The following GRIN2B variants were observed in gnomAD, a reference collection of about 807,000 sequenced individuals.
The protein encoded by GRIN2B is glutamate receptor ionotropic, NMDA 2B.
In GRIN2B, 5 loss-of-function variants were observed where a neutral mutation model predicts 114.5. The ratio of observed to expected loss-of-function variants is 0.04; its 90% confidence interval spans 0.02 to 0.09. The LOEUF is 0.09. Ranked by LOEUF, GRIN2B falls within the 10% of genes least tolerant of loss-of-function variation. GRIN2B has a pLI of 1.00. For missense variants in GRIN2B, 1,108 were observed against 1,943.5 expected (o/e 0.57, Z 8.08); for synonymous variants, 787 against 745.1 (o/e 1.06, Z -0.92).
Position 13,563,133 on chromosome 12 carries a change from C to T in GRIN2B, c.4105G>A (p.Gly1369Ser), listed in dbSNP as rs371190262. The change falls in exon 14 of 14, where the codon GGC becomes AGC. Residue 1369 changes from glycine to serine, a missense_variant. By Grantham distance (56) the Gly-to-Ser change is moderately conservative. Coordinates refer to ENST00000609686, the MANE Select transcript of GRIN2B (RefSeq NM_000834.5). ...AGCGACTTGCTGAGCATGTACCCGC[C>T]GCCGGGGTTGTTGTGGTGGTGATGT... Reference protein sequence around the residue: ...AGHHHHNNPGGGYMLSKSLYP... With the variant: ...AGHHHHNNPGSGYMLSKSLYP... The T allele has an allele frequency of 2.9e-5, 47 of 1,614,026 alleles. No homozygotes were observed. The Admixed American group carries it at 4.5e-4, about 15-fold the overall frequency.
At chr12:13,928,443 A>G (rs1448446060) in intron 2 of GRIN2B, among the ~76,000 whole-genome samples, 1 of 152,236 alleles carries the variant, frequency 6.6e-6, no homozygotes, top group Non-Finnish European at 1.5e-5. Context: ...GAAGATATTT[A>G]AAGGAGATAA....
chr12:13,574,708 A>G (rs1948752545), intron 10 of GRIN2B, among the ~76,000 whole-genome samples: 1 of 152,218 alleles, frequency 6.6e-6, no homozygotes, highest in African/African-American at 2.4e-5. Flanking sequence ...TTAGATTTCT[A>G]AATCCTGTTT....
chr12:13,964,282 T>C (rs1336343238), intron 2 of GRIN2B, among the ~76,000 whole-genome samples: 2 of 152,192 alleles, frequency 1.3e-5, no homozygotes, highest in Non-Finnish European at 2.9e-5. Context: ...AAAGACACCA[T>C]CAATTCTGCC....
intron 6 of GRIN2B, 31 bp downstream of exon 6, chr12:13,616,424 G>A (rs201539613): frequency 2.3e-5 from 36 of 1,547,960 alleles, no homozygotes; most frequent in African/African-American, 2.7e-5. Flanking sequence ...ACTCTCCCAT[G>A]CCACCCAAAG....
chr12:13,715,722 G>T (rs1283824364), intron 4 of GRIN2B, among the ~76,000 whole-genome samples: 1 of 151,882 alleles, frequency 6.6e-6, no homozygotes, highest in African/African-American at 2.4e-5. Context: ...TCTTTCAAAT[G>T]AGTATTTTAA....
chr12:13,671,922 C>T (rs373056708), intron 5 of GRIN2B, among the ~76,000 whole-genome samples: 43 of 152,186 alleles, frequency 2.8e-4, no homozygotes, highest in African/African-American at 7.0e-4. Context: ...GTAAGCAAAA[C>T]GCCAGATAAT....
rs144610849 is a variant in GRIN2B, at chr12:13,916,211, C to G, written c.-18-49985G>C. Among the ~76,000 whole-genome samples, 843 of 152,224 alleles carry G rather than the reference C, an allele frequency of 5.5e-3. 5 individuals carry two copies. The highest frequency in any genetic ancestry group is 9.9e-3 in the Non-Finnish European group (670 of 68,012). On this transcript the variant is annotated intron_variant, in intron 2 of 13. Transcript: ENST00000609686. ...TCAGTCAAAAATTCCACAAGAATAC[C>G]TTACTTAACAATATTTTTTGCATTA...
rs995787574 is a variant in GRIN2B at position 13,612,650 on chromosome 12, T to C, written c.1655-800A>G. Among the ~76,000 whole-genome samples, 16 of 152,256 alleles carry C rather than the reference T, an allele frequency of 1.1e-4. 1 individual carries two copies. Among genetic ancestry groups the C allele is most frequent in the Admixed American group, 2.6e-4 (4 of 15,290 alleles). On this transcript the variant is annotated intron_variant, in intron 8 of 13. Transcript: ENST00000609686. The stretch of plus-strand genomic sequence containing the variant: ...TAGCAAGAATGTTCCACATATGCTT[T>C]CTTTAATATCTTTAATCATGTGTGC...
At chr12:13,776,558 G>T (rs988936229) in intron 3 of GRIN2B, among the ~76,000 whole-genome samples, 1 of 152,064 alleles carries the variant, frequency 6.6e-6, no homozygotes, top group African/African-American at 2.4e-5. Context: ...AAATTACTGA[G>T]GAGAACAAAT....
intron 2 of GRIN2B, among the ~76,000 whole-genome samples, chr12:13,890,817 A>G (rs1316975660): frequency 6.6e-6 from 1 of 152,150 alleles, no homozygotes; most frequent in African/African-American, 2.4e-5. Context: ...TCAGCTTCAG[A>G]GAAGGCAGAG....
intron 5 of GRIN2B, among the ~76,000 whole-genome samples, chr12:13,651,938 A>G (rs1949817494): frequency 6.6e-6 from 1 of 152,086 alleles, no homozygotes; most frequent in African/African-American, 2.4e-5. Context: ...TGAGAACAGG[A>G]TTTGATCTGT....
intron 5 of GRIN2B, among the ~76,000 whole-genome samples, chr12:13,630,272 CAA>C (rs1022694664): frequency 1.3e-5 from 2 of 152,114 alleles, no homozygotes; most frequent in African/African-American, 4.8e-5. Context: ...TGATGCTGAG[CAA>C]AACACATGCA....
chr12:13,914,633 T>C (rs1266661832), intron 2 of GRIN2B, among the ~76,000 whole-genome samples: 1 of 152,202 alleles, frequency 6.6e-6, no homozygotes, highest in Non-Finnish European at 1.5e-5. Context: ...GTAGTCATTG[T>C]AGCATGATTC....
At chr12:13,809,035 A>G (rs1286710486) in intron 3 of GRIN2B, among the ~76,000 whole-genome samples, 1 of 152,114 alleles carries the variant, frequency 6.6e-6, no homozygotes, top group East Asian at 1.9e-4. Flanking sequence ...CCATGGCACT[A>G]TCAGCACTTC....
intron 4 of GRIN2B, among the ~76,000 whole-genome samples, chr12:13,748,044 C>A (rs967882826): frequency 1.3e-5 from 2 of 152,004 alleles, no homozygotes; most frequent in African/African-American, 4.8e-5. Flanking sequence ...TACTTTTTTT[C>A]ACATCAGTTA....
At chr12:13,607,383 T>TTATATAA (rs1949288722) in intron 10 of GRIN2B, among the ~76,000 whole-genome samples, 1 of 54,680 alleles carries the variant, frequency 1.8e-5, no homozygotes, top group African/African-American at 9.4e-5. Context: ...ATTATATATA[T>TTATATAA]AATATATATT....
At position 13,981,420 on chromosome 12, in the gene GRIN2B, C is replaced by G. The variant is rs1271213919; in HGVS notation, c.-526G>C. ...GGGAATGGAGGGTTTTCCTTTCCTG[C>G]AAAGCAGGATTAATGATCCGTCTCG... On this transcript the variant is annotated 5_prime_UTR_variant, in exon 1 of 14. Coordinates refer to ENST00000609686, the MANE Select transcript of GRIN2B (RefSeq NM_000834.5). 1.3e-5 allele frequency: 2 copies of G among 152,056 alleles called. No individual in the cohort carries two copies. The highest frequency in any genetic ancestry group is 4.8e-5 in the African/African-American group (2 of 41,384). 9.4% of individuals were successfully genotyped at this position (152,056 alleles called of 1,614,324 possible).
chr12:13,802,012 T>C (rs1014359099), intron 3 of GRIN2B, among the ~76,000 whole-genome samples: 9 of 152,052 alleles, frequency 5.9e-5, no homozygotes, highest in African/African-American at 1.7e-4. Context: ...ACCCACCAGA[T>C]GCTTACTGAG....
At chr12:13,801,546 T>C (rs1864513384) in intron 3 of GRIN2B, among the ~76,000 whole-genome samples, 1 of 152,140 alleles carries the variant, frequency 6.6e-6, no homozygotes, top group Non-Finnish European at 1.5e-5. Flanking sequence ...CCATCTAATA[T>C]GAAAACAAAG....
Sources: gnomAD v4.1 joint callset for allele counts (sites outside exome capture counted in the v4.1 genomes callset) on GRCh38, gnomAD v4.1.1 for gene constraint, MANE v1.5 for transcripts, NCBI Gene and HGNC (gene_info 2026-07-23, HGNC 2026-07-21) for gene names.